Variants in GDAP1L1 observed in about 807,000 individuals in gnomAD.
GDAP1L1 encodes ganglioside induced differentiation associated protein 1 like 1.
Under a neutral mutation model 37.1 loss-of-function variants are expected in GDAP1L1, and 21 were observed. The ratio of observed to expected loss-of-function variants is 0.57; its 90% CI spans 0.40 to 0.81. The LOEUF (loss-of-function observed/expected upper bound fraction) is 0.81, where lower values mean the gene tolerates loss of function less well. Ranked by LOEUF, GDAP1L1 falls within the 40% of genes least tolerant of loss-of-function variation. The probability of loss-of-function intolerance (pLI) is 0.00; values close to 1 mark genes in which losing one functional copy is unlikely to be tolerated. For synonymous variants in GDAP1L1, 193 were observed against 209.1 expected (o/e 0.92, Z 0.67); for missense variants, 362 against 491.6 (o/e 0.74, Z 2.49).
chr20:44,266,329 A>C (rs1006514054), intron 5 of GDAP1L1, among the ~76,000 whole-genome samples: 6 of 152,080 alleles, frequency 3.9e-5, no homozygotes, highest in Non-Finnish European at 1.5e-5. Context: ...CCAAAAAAAA[A>C]AAAGGAACTT....
At position 44,257,121 on chromosome 20, in the gene GDAP1L1, C is replaced by T. The variant is rs768193009; in HGVS notation, c.181-32C>T. 71 of 1,531,930 alleles carry T rather than the reference C, an allele frequency of 4.6e-5. 2 individuals carry two copies. In the African/African-American group the frequency reaches 7.9e-4, roughly 17 times the overall value. 94.9% of individuals were successfully genotyped at this position (1,531,930 alleles called of 1,614,324 possible). A position where few individuals can be genotyped will look rare whatever the true frequency, so the allele number is the denominator to read the frequency against. ...GGGCAGAGTGTCCCCTGTGTCCGCCCGCCTTCCCCGCTCTGACCCTGGCGC... is the reference window on the plus strand; with the variant it reads ...GGGCAGAGTGTCCCCTGTGTCCGCCTGCCTTCCCCGCTCTGACCCTGGCGC... On this transcript the variant is annotated intron_variant, in intron 1 of 5. Coordinates refer to ENST00000342560, the MANE Select transcript of GDAP1L1 (RefSeq NM_024034.6).
At chr20:44,269,102 A>T (rs2062486249) in intron 5 of GDAP1L1, among the ~76,000 whole-genome samples, 1 of 152,164 alleles carries the variant, frequency 6.6e-6, no homozygotes, top group Non-Finnish European at 1.5e-5. Context: ...AAGACAGTAA[A>T]TGTTGATTAC....
In GDAP1L1 at chr20:44,278,636, C is replaced by T. The variant is rs190103780; in HGVS notation, c.761-321C>T. On this transcript the variant is annotated intron_variant, in intron 5 of 5. Coordinates refer to ENST00000342560, the MANE Select transcript of GDAP1L1 (RefSeq NM_024034.6). ...CCTCAAATGATCTGCTCACCTTGGCCTCCCAAAGTGCTGGGATTACAGGTG... is the reference window on the plus strand; with the variant it reads ...CCTCAAATGATCTGCTCACCTTGGCTTCCCAAAGTGCTGGGATTACAGGTG... Among the ~76,000 whole-genome samples, 24 of 152,236 alleles carry T rather than the reference C, an allele frequency of 1.6e-4. 1 individual carries two copies. The highest frequency in any genetic ancestry group is 5.8e-4 in the African/African-American group (24 of 41,532).
chr20:44,247,196 C>A, upstream of GDAP1L1: 1 of 852,806 alleles, frequency 1.2e-6, no homozygotes. Context: ...CCTCCCCCAA[C>A]TGCCCGGTGA....
At position 44,258,972 on chromosome 20, in the gene GDAP1L1, C is replaced by T. The variant is rs185395344; in HGVS notation, c.547+365C>T. Among the ~76,000 whole-genome samples the T allele has an allele frequency of 6.8e-3, 1,037 of 151,934 alleles. 12 individuals carry two copies. Among genetic ancestry groups the T allele is most frequent in the African/African-American group, 0.024 (993 of 41,344 alleles). On this transcript the variant is annotated intron_variant, in intron 3 of 5. Coordinates refer to ENST00000342560, the MANE Select transcript of GDAP1L1 (RefSeq NM_024034.6). ...TGTCCCCTACTCTTGTCCTGCCCCCCCCATACACAGACTATGGGGCTGTCT... is the reference window on the plus strand; with the variant it reads ...TGTCCCCTACTCTTGTCCTGCCCCCTCCATACACAGACTATGGGGCTGTCT...
chr20:44,262,321 G>A (rs561875450), intron 3 of GDAP1L1, among the ~76,000 whole-genome samples: 1 of 152,210 alleles, frequency 6.6e-6, no homozygotes, highest in East Asian at 1.9e-4. Context: ...ATATGAGAAA[G>A]ATGGAGGAGG....
chr20:44,265,312 C>G (rs1036159134), intron 5 of GDAP1L1: 60 of 985,432 alleles, frequency 6.1e-5, no homozygotes, highest in Non-Finnish European at 7.1e-5. Context: ...TCCTACACCA[C>G]TCCACTCCAT....
At chr20:44,262,684 A>G (rs866148293) in intron 3 of GDAP1L1, among the ~76,000 whole-genome samples, 2 of 151,770 alleles carry the variant, frequency 1.3e-5, no homozygotes, top group African/African-American at 2.4e-5. Context: ...TTAACTGTGT[A>G]TTTTATAATA....
chr20:44,263,188 C>A, intron 3 of GDAP1L1, 42 bp from the exon 4 acceptor site: 1 of 1,514,938 alleles, frequency 6.6e-7, no homozygotes, highest in Non-Finnish European at 9.2e-7. Flanking sequence ...GGGGAGCAAC[C>A]AAGGTATCAG....
chr20:44,249,663 C>T (rs970597486), intron 1 of GDAP1L1, among the ~76,000 whole-genome samples: 1 of 152,196 alleles, frequency 6.6e-6, no homozygotes, highest in African/African-American at 2.4e-5. Flanking sequence ...TGAGGTGGCC[C>T]CTGAGTCAGG....
Position 44,276,437 on chromosome 20 carries a change from AAAGAAAG to A in GDAP1L1, c.761-2517_761-2511del, listed in dbSNP as rs1390119380. Among the ~76,000 whole-genome samples, 111 of 145,608 alleles carry A rather than the reference AAAGAAAG, an allele frequency of 7.6e-4. 2 individuals are homozygous for A. The East Asian group carries it at 8.8e-3, about 12-fold the overall frequency. The stretch of plus-strand genomic sequence containing the variant: ...AAAAGAAAGAAAGAAAGAAAGAAAG[AAAGAAAG>A]AAAGAAAGAAAGAAAGAAAGAAAAA... On this transcript the variant is annotated intron_variant, in intron 5 of 5. Transcript: ENST00000342560.
At chr20:44,253,652 AG>A (rs1197952029) in intron 1 of GDAP1L1, among the ~76,000 whole-genome samples, 5 of 152,202 alleles carry the variant, frequency 3.3e-5, no homozygotes, top group African/African-American at 1.2e-4. Flanking sequence ...GTGACCACCT[AG>A]GTCTGGTCCA....
intron 1 of GDAP1L1, among the ~76,000 whole-genome samples, chr20:44,252,186 C>A (rs952461857): frequency 6.6e-5 from 10 of 152,202 alleles, no homozygotes; most frequent in African/African-American, 2.4e-4. Context: ...ATTCATGGAC[C>A]CCTTGGCCTG....
Position 44,279,066 on chromosome 20 carries a change from G to A in GDAP1L1, c.870G>A (p.Trp290Ter). 1 of 1,614,164 alleles carries A rather than the reference G, an allele frequency of 6.2e-7. No individual in the cohort carries two copies. Among genetic ancestry groups the A allele is most frequent in the Non-Finnish European group, 8.5e-7 (1 of 1,180,012 alleles). The change falls in exon 6 of 6, where the codon TGG becomes TGA. Residue 290 changes from tryptophan (W) to a stop codon, truncating the protein, a stop_gained. Transcript: ENST00000342560. LOFTEE classifies it high-confidence loss of function. ...LKFLGLSKKY[W>*]EDGSRPNLQS... Reference sequence around the variant, plus strand: ...TCCTGGGACTGTCCAAGAAATACTGGGAAGATGGCAGCCGGCCCAACCTGC... The same window carrying A: ...TCCTGGGACTGTCCAAGAAATACTGAGAAGATGGCAGCCGGCCCAACCTGC...
In GDAP1L1 at chr20:44,264,461, A is replaced by C; in HGVS notation, c.662A>C (p.His221Pro). ...QKKLMAKILE[H>P]DDVSYLKKIL... The stretch of plus-strand genomic sequence containing the variant: ...TGCCCCCAGGCCAAGATCTTGGAGC[A>C]TGATGATGTGAGCTACCTGAAGAAG... The change falls in exon 5 of 6, where the codon CAT (histidine) becomes CCT (proline). Residue 221 changes from histidine (H) to proline (P), a missense_variant. Transcript: ENST00000342560. 6.6e-7 allele frequency: 1 copy of C among 1,515,302 alleles called. No individual in the cohort carries two copies. The highest frequency in any genetic ancestry group is 8.8e-7 in the Non-Finnish European group (1 of 1,131,370). The allele number at this position is 1,515,302 out of a possible 1,614,324, so 93.9% of individuals were successfully genotyped here.
Position 44,257,134 on chromosome 20 carries a change from C to G in GDAP1L1, c.181-19C>G. 7 of 1,563,134 alleles carry G rather than the reference C, an allele frequency of 4.5e-6. No individual in the cohort carries two copies. Among genetic ancestry groups the G allele is most frequent in the Non-Finnish European group, 6.0e-6 (7 of 1,157,404 alleles). On this transcript the variant is annotated intron_variant, in intron 1 of 5. Transcript: ENST00000342560. The stretch of plus-strand genomic sequence containing the variant: ...CCTGTGTCCGCCCGCCTTCCCCGCT[C>G]TGACCCTGGCGCCTGCAGGTGCGGC...
intron 5 of GDAP1L1, among the ~76,000 whole-genome samples, 199 bp from the exon 6 acceptor site, chr20:44,278,758 A>G (rs1016502294): frequency 3.9e-5 from 6 of 152,228 alleles, no homozygotes; most frequent in African/African-American, 1.2e-4. Flanking sequence ...AAAAAAAAAG[A>G]AAAACAGTCG....
intron 5 of GDAP1L1, among the ~76,000 whole-genome samples, chr20:44,276,373 A>AAAGAAAAGAAAG (rs2062574247): frequency 6.9e-6 from 1 of 144,236 alleles, no homozygotes; most frequent in African/African-American, 2.6e-5. Flanking sequence ...GAAGGAAGGA[A>AAAGAAAAGAAAG]GGAAGGAAGG....
chr20:44,258,067 G>A (rs529392365), intron 2 of GDAP1L1: 1 of 678,242 alleles, frequency 1.5e-6, no homozygotes, highest in East Asian at 2.7e-5. Context: ...AGGGCATCAG[G>A]GCCCAGACAT....
Sources: gnomAD v4.1 joint callset for allele counts (sites outside exome capture counted in the v4.1 genomes callset) on GRCh38, gnomAD v4.1.1 for gene constraint, MANE v1.5 for transcripts, NCBI Gene and HGNC (gene_info 2026-07-23, HGNC 2026-07-21) for gene names.